The following GEMIN7 variants were observed in gnomAD, a reference collection of about 807,000 sequenced individuals.
The protein encoded by GEMIN7 is gem-associated protein 7.
Under a neutral mutation model 7.8 loss-of-function variants are expected in GEMIN7, and 7 were observed. That is an observed-to-expected ratio of 0.90 (90% CI 0.51 to 1.69). The LOEUF (loss-of-function observed/expected upper bound fraction) is 1.69. Among genes scored for constraint, GEMIN7 ranks in the 40% most tolerant of loss-of-function variants. The probability of loss-of-function intolerance (pLI) is 0.00; values close to 1 mark genes in which losing one functional copy is unlikely to be tolerated. For missense variants in GEMIN7, 159 were observed against 176.2 expected (o/e 0.90, Z 0.55); for synonymous variants, 68 against 72.4 (o/e 0.94, Z 0.31).
intron 2 of GEMIN7, among the ~76,000 whole-genome samples, chr19:45,084,766 A>C (rs534486764): frequency 7.9e-5 from 12 of 152,102 alleles, no homozygotes; most frequent in African/African-American, 2.7e-4. Context: ...TTATTTATTT[A>C]TTTTTTGAGA....
At chr19:45,085,273 G>C (rs1305852045) in intron 2 of GEMIN7, 1 of 152,130 alleles carries the variant, frequency 6.6e-6, no homozygotes, top group Non-Finnish European at 1.5e-5. Context: ...TTTGTGACCT[G>C]TTTGTCTGCA....
chr19:45,081,109 G>A (rs1282687609), intron 2 of GEMIN7, among the ~76,000 whole-genome samples: 5 of 152,152 alleles, frequency 3.3e-5, no homozygotes, highest in African/African-American at 9.7e-5. Context: ...CAAGATTAGC[G>A]TGGGCAATAC....
intron 2 of GEMIN7, among the ~76,000 whole-genome samples, chr19:45,082,218 C>T (rs187473759): frequency 2.3e-3 from 350 of 152,098 alleles, no homozygotes; most frequent in African/African-American, 8.3e-3. Flanking sequence ...CCCCCACCTC[C>T]TCCACACTGG....
chr19:45,078,077 C>G (rs970068587), upstream of GEMIN7, among the ~76,000 whole-genome samples: 1 of 150,296 alleles, frequency 6.7e-6, no homozygotes, highest in African/African-American at 2.5e-5. Context: ...CACCCACTAT[C>G]CCATTGCCCT....
At chr19:45,085,622 G>C (rs1227540707) in intron 2 of GEMIN7, 1 of 152,138 alleles carries the variant, frequency 6.6e-6, no homozygotes, top group East Asian at 1.9e-4. Flanking sequence ...CACAGTTCAG[G>C]TGCAGAGACA....
intron 2 of GEMIN7, 28 bp from the exon 3 acceptor site, chr19:45,090,079 C>T (rs1385234343): frequency 1.9e-6 from 3 of 1,581,844 alleles, no homozygotes; most frequent in Non-Finnish European, 1.7e-6. Flanking sequence ...CATGTAATGA[C>T]TTCCTGCTCT....
chr19:45,077,990 AAAGT>A, upstream of GEMIN7, among the ~76,000 whole-genome samples: 1 of 151,864 alleles, frequency 6.6e-6, no homozygotes, highest in East Asian at 1.9e-4. Context: ...TCAGCATCCC[AAAGT>A]GCTGAGATTA....
intron 2 of GEMIN7, among the ~76,000 whole-genome samples, chr19:45,083,968 T>C (rs1414661053): frequency 6.6e-6 from 1 of 151,850 alleles, no homozygotes; most frequent in East Asian, 2.0e-4. Flanking sequence ...ACTAGCACTT[T>C]GGGAGGCCAA....
chr19:45,079,644 C>T (rs1395514582), intron 1 of GEMIN7, among the ~76,000 whole-genome samples: 2 of 152,216 alleles, frequency 1.3e-5, no homozygotes, highest in African/African-American at 4.8e-5. Flanking sequence ...GTCCGAACGC[C>T]CAGGGCGGTG....
upstream of GEMIN7, among the ~76,000 whole-genome samples, chr19:45,078,159 T>A (rs1193919122): frequency 7.0e-6 from 1 of 143,282 alleles, no homozygotes; most frequent in East Asian, 2.2e-4. Context: ...TGGAGTGCAG[T>A]GGCACGACCT....
upstream of GEMIN7, chr19:45,076,541 G>A (rs139836843): frequency 1.2e-3 from 551 of 452,156 alleles, 1 homozygote; most frequent in South Asian, 5.6e-3. This position sits in a 1 kb window ranked among gnomAD's most constrained non-coding sequence, Gnocchi z 4.9. Flanking sequence ...CTACCAGGGC[G>A]GGGCTCATGG....
chr19:45,076,387 G>GGCGA (rs750749077), upstream of GEMIN7: 4 of 1,279,648 alleles, frequency 3.1e-6, no homozygotes, highest in African/African-American at 3.0e-5. The surrounding 1 kb of genome is among the most constrained non-coding windows in gnomAD (Gnocchi z 4.9). Flanking sequence ...TCGCGGGCCG[G>GGCGA]GCGAGCGAGC....
At chr19:45,081,271 AC>A (rs1967494768) in intron 2 of GEMIN7, among the ~76,000 whole-genome samples, 1 of 152,184 alleles carries the variant, frequency 6.6e-6, no homozygotes, top group African/African-American at 2.4e-5. Flanking sequence ...AGCCTGGCCA[AC>A]GTGGCCAAAC....
At chr19:45,078,497 C>T (rs1439426775), upstream of GEMIN7, among the ~76,000 whole-genome samples, 2 of 152,178 alleles carry the variant, frequency 1.3e-5, no homozygotes, top group Non-Finnish European at 2.9e-5. Flanking sequence ...AACGTAGGTT[C>T]TAGGAGGCAG....
At position 45,090,717 on chromosome 19, in the gene GEMIN7, G is replaced by GAGGTA; in HGVS notation, c.*207_*208insAGGTA. 5.1e-6 allele frequency: 3 copies of GAGGTA among 584,046 alleles called. No individual in the cohort carries two copies. The African/African-American group carries it at 5.6e-5, about 11-fold the overall frequency. 36.2% of individuals were successfully genotyped at this position (584,046 alleles called of 1,614,324 possible). On this transcript the variant is annotated 3_prime_UTR_variant, in exon 3 of 3. Transcript: ENST00000270257. ...TAGGAATTCTAAGATCCCATTGGAAGGAATGCTCTACCTCACAGAACTCTG... is the reference window on the plus strand; with the variant it reads ...TAGGAATTCTAAGATCCCATTGGAAGAGGTAGAATGCTCTACCTCACAGAACTCTG...
In GEMIN7 at chr19:45,091,073, C is replaced by T. The variant is rs1388879662; in HGVS notation, c.*563C>T. ...GTGTAGGGGCTGCACGGCCGCAAGT[C>T]TCCTGGAAAGGCTGGAGTGACCGGC... On this transcript the variant is annotated 3_prime_UTR_variant, in exon 3 of 3. Coordinates refer to ENST00000270257, the MANE Select transcript of GEMIN7 (RefSeq NM_024707.3). 5.4e-5 allele frequency: 9 copies of T among 167,702 alleles called. No individual in the cohort carries two copies. In the Admixed American group the frequency reaches 5.9e-4, roughly 11 times the overall value. 10.4% of individuals were successfully genotyped at this position (167,702 alleles called of 1,614,324 possible). A position where few individuals can be genotyped will look rare whatever the true frequency, so the allele number is the denominator to read the frequency against.
chr19:45,081,166 A>C (rs1475052414), intron 2 of GEMIN7, among the ~76,000 whole-genome samples: 1 of 152,172 alleles, frequency 6.6e-6, no homozygotes, highest in Non-Finnish European at 1.5e-5. Flanking sequence ...TGTGCTTTTT[A>C]AAAAATTAGA....
upstream of GEMIN7, among the ~76,000 whole-genome samples, chr19:45,077,188 A>G (rs1568427507): frequency 1.3e-5 from 2 of 152,166 alleles, no homozygotes; most frequent in Non-Finnish European, 2.9e-5. Context: ...GAGTTCAGTG[A>G]AAATATGGGG....
chr19:45,077,648 T>TTC (rs1047474649), upstream of GEMIN7, among the ~76,000 whole-genome samples: 5 of 152,214 alleles, frequency 3.3e-5, no homozygotes, highest in African/African-American at 9.6e-5. Context: ...CAGGTCTGGG[T>TTC]TCCATTGTCC....
Sources: gnomAD v4.1 joint callset for allele counts (sites outside exome capture counted in the v4.1 genomes callset) on GRCh38, gnomAD v4.1.1 for gene constraint, Gnocchi (gnomAD v3.1) non-coding constraint, MANE v1.5 for transcripts, NCBI Gene and HGNC (gene_info 2026-07-23, HGNC 2026-07-21) for gene names.